LRPPRC: variants seen among roughly 807,000 people sequenced by gnomAD.
LRPPRC encodes leucine-rich PPR motif-containing protein, mitochondrial.
LRPPRC carries 120 observed loss-of-function variants against 180.3 expected under a neutral mutation model. The observed-to-expected ratio is 0.67, with a 90% CI of 0.57 to 0.77. The LOEUF (loss-of-function observed/expected upper bound fraction) is 0.77, where lower values mean the gene tolerates loss of function less well. Ranked by LOEUF, LRPPRC falls within the 30% of genes least tolerant of loss-of-function variation. The pLI is 0.00. For synonymous variants in LRPPRC, 723 were observed against 600.0 expected, an observed-to-expected ratio of 1.21 and a Z score of -3.00; for missense variants, 2,012 against 1,657.2, an observed-to-expected ratio of 1.21 and a Z score of -3.72.
intron 30 of LRPPRC, among the ~76,000 whole-genome samples, 172 bp downstream of exon 30, chr2:43,912,260 T>A (rs1005794685): frequency 1.2e-4 from 18 of 152,220 alleles, no homozygotes; most frequent in Admixed American, 4.6e-4. Flanking sequence ...GTGTTTTTTT[T>A]TGAAGGTGAA....
At position 43,896,721 on chromosome 2, in the gene LRPPRC, A is replaced by G; in HGVS notation, c.3826-13T>C. 1 of 1,535,572 alleles carries G rather than the reference A, an allele frequency of 6.5e-7. No individual in the cohort carries two copies. Among genetic ancestry groups the G allele is most frequent in the Non-Finnish European group, 9.0e-7 (1 of 1,108,856 alleles). ...TTGCACCACATCTCTAAAAATTAAA[A>G]CATTATTCAGTAAGTGAAGGTTTCT... On this transcript the variant is annotated splice_polypyrimidine_tract_variant and intron_variant, in intron 34 of 37. Coordinates refer to ENST00000260665, the MANE Select transcript of LRPPRC (RefSeq NM_133259.4).
At chr2:43,927,855 T>A (rs1187754766) in intron 25 of LRPPRC, among the ~76,000 whole-genome samples, 1 of 152,234 alleles carries the variant, frequency 6.6e-6, no homozygotes, top group African/African-American at 2.4e-5. Context: ...CAAAAGAACA[T>A]CTAGGTCAGA....
At chr2:43,936,112 A>G (rs1385261762) in intron 23 of LRPPRC, among the ~76,000 whole-genome samples, 1 of 152,148 alleles carries the variant, frequency 6.6e-6, no homozygotes, top group Non-Finnish European at 1.5e-5. Context: ...CCTTGGAAGA[A>G]CTATAGAGAT....
chr2:43,968,113 C>CT, intron 11 of LRPPRC, among the ~76,000 whole-genome samples: 1 of 151,864 alleles, frequency 6.6e-6, no homozygotes, highest in South Asian at 2.1e-4. Context: ...AAAAAAAAGG[C>CT]TTTGGACTTT....
At position 43,955,723 on chromosome 2, in the gene LRPPRC, G is replaced by A. The variant is rs527742586; in HGVS notation, c.1649+1662C>T. On this transcript the variant is annotated intron_variant, in intron 14 of 37. Transcript: ENST00000260665. ...ACTGCACTCTGGCCTTGGGGACAGA[G>A]CGAGACCCTATCTCAAAAAAAGAAA... Among the ~76,000 whole-genome samples the A allele has an allele frequency of 4.6e-5, 7 of 152,178 alleles. No individual in the cohort carries two copies. In the East Asian group the frequency reaches 1.4e-3, roughly 29 times the overall value.
Position 43,890,101 on chromosome 2 carries a change from G to A in LRPPRC, c.3986-225C>T, listed in dbSNP as rs902454947. The A allele has an allele frequency of 2.4e-5, 14 of 580,028 alleles. No homozygotes were observed. The African/African-American group carries it at 2.4e-4, about 10-fold the overall frequency. The allele number at this position is 580,028 out of a possible 1,614,324, so 35.9% of individuals were successfully genotyped here. On this transcript the variant is annotated intron_variant, in intron 36 of 37. Coordinates refer to ENST00000260665, the MANE Select transcript of LRPPRC (RefSeq NM_133259.4). Reference sequence around the variant, plus strand: ...GAAGGAGAAGAAAATGACAAATATGGCTACATTTAAAGGACTTTAGAATAA... The same window carrying A: ...GAAGGAGAAGAAAATGACAAATATGACTACATTTAAAGGACTTTAGAATAA...
Position 43,905,878 on chromosome 2 carries a change from G to C in LRPPRC, c.3276-98C>G, listed in dbSNP as rs181778124. 19 of 840,510 alleles carry C rather than the reference G, an allele frequency of 2.3e-5. No homozygotes were observed. In the African/African-American group the frequency reaches 3.0e-4, roughly 13 times the overall value. 52.1% of individuals were successfully genotyped at this position (840,510 alleles called of 1,614,324 possible). A position where few individuals can be genotyped will look rare whatever the true frequency, so the allele number is the denominator to read the frequency against. On this transcript the variant is annotated intron_variant, in intron 30 of 37. Coordinates refer to ENST00000260665, the MANE Select transcript of LRPPRC (RefSeq NM_133259.4). ...GGTGAAATTATAAAAACTACTGTTC[G>C]TATGTTAAAAATATTGCTGCAAAAT...
At chr2:43,951,027 G>C (rs1310199965) in intron 14 of LRPPRC, among the ~76,000 whole-genome samples, 1 of 152,042 alleles carries the variant, frequency 6.6e-6, no homozygotes, top group East Asian at 1.9e-4. Flanking sequence ...CCGAGATCGT[G>C]CCACTGCACT....
chr2:43,962,942 T>G (rs762694739), intron 12 of LRPPRC, among the ~76,000 whole-genome samples: 1 of 152,160 alleles, frequency 6.6e-6, no homozygotes, highest in South Asian at 2.1e-4. Flanking sequence ...TCCTGTTTCT[T>G]TAATAAAATA....
At chr2:43,977,088 C>A (rs755285545) in intron 4 of LRPPRC, 36 bp from the exon 5 acceptor site, 13 of 1,607,610 alleles carry the variant, frequency 8.1e-6, no homozygotes, top group Non-Finnish European at 1.0e-5. Context: ...TTTAAATATA[C>A]TTTTTTTTCT....
rs757084538 is a variant in LRPPRC at position 43,974,180 on chromosome 2, G to C, written c.1125C>G (p.Phe375Leu). 5.0e-6 allele frequency: 8 copies of C among 1,613,782 alleles called. No individual in the cohort carries two copies. The South Asian group carries it at 6.6e-5, about 13-fold the overall frequency. ...TCATAGTCACACAGTGTTGTAAAAA[G>C]AAACTGCCAAAGACACTTGGGCCAT... ...KEDGPSVFGS[F>L]FLQHCVTMNT... Residue 375 changes from phenylalanine (F) to leucine (L), a missense_variant, in exon 9 of 38, where the codon TTC (phenylalanine) becomes TTG (leucine). By Grantham distance (22) the Phe-to-Leu change is conservative. Transcript: ENST00000260665.
chr2:43,972,133 G>C (rs1256510038), intron 11 of LRPPRC, among the ~76,000 whole-genome samples: 1 of 152,116 alleles, frequency 6.6e-6, no homozygotes, highest in Non-Finnish European at 1.5e-5. Context: ...TTTAAAAGGA[G>C]GACAGAAACC....
chr2:43,940,109 G>T (rs978042222), intron 23 of LRPPRC, among the ~76,000 whole-genome samples: 3 of 152,136 alleles, frequency 2.0e-5, no homozygotes, highest in Admixed American at 1.3e-4. Flanking sequence ...GATCCTTGAC[G>T]AAAAATCATC....
chr2:43,943,845 T>G lies in LRPPRC; in HGVS notation c.2346A>C (p.Lys782Asn), dbSNP rs765280723. The change falls in exon 23 of 38, where the codon AAA (lysine) becomes AAC (asparagine). Residue 782 changes from lysine to asparagine, a missense_variant. By Grantham distance (94) the Lys-to-Asn change is moderately conservative (BLOSUM62 0). Coordinates refer to ENST00000260665, the MANE Select transcript of LRPPRC (RefSeq NM_133259.4). ...GGAAAAAGGACAAGGCTGTTGTATC[T>G]TTGATAAGAACATCCTTCTCTTTCA... Reference protein sequence around the residue: ...KEMKEKDVLIKDTTALSFFHM... With the variant: ...KEMKEKDVLINDTTALSFFHM... The G allele has an allele frequency of 1.2e-6, 2 of 1,613,230 alleles. No homozygotes were observed. Among genetic ancestry groups the G allele is most frequent in the Non-Finnish European group, 1.7e-6 (2 of 1,179,380 alleles).
At chr2:43,898,088 ACAAAG>A (rs1670753402) in intron 34 of LRPPRC, among the ~76,000 whole-genome samples, 1 of 150,268 alleles carries the variant, frequency 6.7e-6, no homozygotes, top group Admixed American at 6.6e-5. Flanking sequence ...AAAAAAAAAA[ACAAAG>A]GAAAAAAAGT....
At position 43,995,907 on chromosome 2, in the gene LRPPRC, G is replaced by C. The variant is rs114205971; in HGVS notation, c.41C>G (p.Ala14Gly). The C allele has an allele frequency of 4.5e-3, 6,777 of 1,515,774 alleles. 277 individuals are homozygous for C. In the African/African-American group the frequency reaches 0.081, roughly 18 times the overall value. The allele number at this position is 1,515,774 out of a possible 1,614,324, so 93.9% of individuals were successfully genotyped here. The change falls in exon 1 of 38, where the codon GCC (alanine) becomes GGC (glycine). Residue 14 changes from alanine (A) to glycine (G), a missense_variant. Coordinates refer to ENST00000260665, the MANE Select transcript of LRPPRC (RefSeq NM_133259.4). ...LLRSARWLLR[A>G]GAAPRLPLSL... ...GAGCGGGAGGCGCGGGGCCGCCCCGGCACGCAGCAACCAACGCGCGGATCT... is the reference window on the plus strand; with the variant it reads ...GAGCGGGAGGCGCGGGGCCGCCCCGCCACGCAGCAACCAACGCGCGGATCT...
At chr2:43,974,049 G>T (rs544830688) in intron 9 of LRPPRC, 101 bp downstream of exon 9, 2 of 1,280,492 alleles carry the variant, frequency 1.6e-6, no homozygotes, top group African/African-American at 2.9e-5. Context: ...ACATTGTTAT[G>T]ATGTTTACAA....
In LRPPRC at chr2:43,888,134, T is replaced by C. The variant is rs1670337074; in HGVS notation, c.*466A>G. 1 of 184,682 alleles carries C rather than the reference T, an allele frequency of 5.4e-6. No individual in the cohort carries two copies. The highest frequency in any genetic ancestry group is 1.1e-5 in the Non-Finnish European group (1 of 88,260). The allele number at this position is 184,682 out of a possible 1,614,324, so 11.4% of individuals were successfully genotyped here. On this transcript the variant is annotated 3_prime_UTR_variant, in exon 38 of 38. Transcript: ENST00000260665. ...TCTGATGACTCCTAGTGCCAACATT[T>C]AACAAAGTTCGAAAGTTATGCAGGA...
At position 43,949,648 on chromosome 2, in the gene LRPPRC, C is replaced by T. The variant is rs1672822735; in HGVS notation, c.1689G>A (p.Leu563=). The T allele has an allele frequency of 6.2e-7, 1 of 1,613,558 alleles. No homozygotes were observed. The change falls in exon 16 of 38, where the codon TTG becomes TTA. Residue 563 remains leucine (L), a synonymous_variant. Coordinates refer to ENST00000260665, the MANE Select transcript of LRPPRC (RefSeq NM_133259.4). ...NINLWSEITE[L]LYKDGRYCQE... The stretch of plus-strand genomic sequence containing the variant: ...GGCAATAACGTCCATCCTTGTACAA[C>T]AATTCTGTTATCTGGTAAGACAGAA...
Sources: gnomAD v4.1 joint callset for allele counts (sites outside exome capture counted in the v4.1 genomes callset) on GRCh38, gnomAD v4.1.1 for gene constraint, MANE v1.5 for transcripts, NCBI Gene and HGNC (gene_info 2026-07-23, HGNC 2026-07-21) for gene names.